Variants in CAMKK1 observed in about 807,000 individuals in gnomAD.
The protein encoded by CAMKK1 is calcium/calmodulin dependent protein kinase kinase 1.
Under a neutral mutation model 63.5 loss-of-function variants are expected in CAMKK1, and 20 were observed. That is an observed-to-expected ratio of 0.32 (90% CI 0.22 to 0.46). CAMKK1 has a LOEUF of 0.46. Among genes scored for constraint, CAMKK1 ranks in the 20% least tolerant of loss-of-function variants. CAMKK1 has a pLI of 1.00. For missense variants in CAMKK1, 588 were observed against 658.1 expected (o/e 0.89, Z 1.17); for synonymous variants, 253 against 269.0 (o/e 0.94, Z 0.58).
intron 10 of CAMKK1, among the ~76,000 whole-genome samples, chr17:3,874,982 C>T (rs1416623946): frequency 3.3e-5 from 5 of 151,778 alleles, no homozygotes; most frequent in Non-Finnish European, 7.4e-5. Context: ...ATTAGCCGGG[C>T]GTGGTGGTGG....
intron 14 of CAMKK1, among the ~76,000 whole-genome samples, chr17:3,866,332 G>A (rs539680490): frequency 5.9e-5 from 9 of 152,320 alleles, no homozygotes; most frequent in South Asian, 4.1e-4. Context: ...TTCTCGCTAC[G>A]GCAGCAATGC....
rs1361609066 is a variant in CAMKK1 at position 3,884,233 on chromosome 17, G to A, written c.408+147C>T. 2 of 839,994 alleles carry A rather than the reference G, an allele frequency of 2.4e-6. No homozygotes were observed. The highest frequency in any genetic ancestry group is 3.4e-5 in the African/African-American group (2 of 59,526). 52.0% of individuals were successfully genotyped at this position (839,994 alleles called of 1,614,324 possible). A position where few individuals can be genotyped will look rare whatever the true frequency, so the allele number is the denominator to read the frequency against. On this transcript the variant is annotated intron_variant, in intron 3 of 15. Coordinates refer to ENST00000348335, the MANE Select transcript of CAMKK1 (RefSeq NM_032294.3). The surrounding 1 kb of genome is among the most constrained non-coding windows in gnomAD (Gnocchi z 4.5). Reference sequence around the variant, plus strand: ...CTTCCACCCTCCCCCTGGGTACCTGGGTACTTCCCACAGGGCACGAAACTG... The same window carrying A: ...CTTCCACCCTCCCCCTGGGTACCTGAGTACTTCCCACAGGGCACGAAACTG...
rs770576618 is a variant in CAMKK1, at chr17:3,873,476, T to C, written c.997-14A>G. ...TACATCCAAGGCCTGGAAAGAAACATGCTCACATCAGTCCCCAACAGGCAC... is the reference window on the plus strand; with the variant it reads ...TACATCCAAGGCCTGGAAAGAAACACGCTCACATCAGTCCCCAACAGGCAC... On this transcript the variant is annotated splice_polypyrimidine_tract_variant and intron_variant, in intron 10 of 15. Transcript: ENST00000348335. 8.7e-6 allele frequency: 14 copies of C among 1,613,898 alleles called. No individual in the cohort carries two copies. The highest frequency in any genetic ancestry group is 1.1e-5 in the Non-Finnish European group (13 of 1,179,910).
At position 3,882,454 on chromosome 17, in the gene CAMKK1, G is replaced by A. The variant is rs2055452030; in HGVS notation, c.685+74C>T. ...AGTGCATTTACACCGCCCACCTGAA[G>A]GTCATACATGTCCCAAGGGAGCCCT... On this transcript the variant is annotated intron_variant, in intron 7 of 15. Coordinates refer to ENST00000348335, the MANE Select transcript of CAMKK1 (RefSeq NM_032294.3). This position sits in a 1 kb window ranked among gnomAD's most constrained non-coding sequence, Gnocchi z 4.3. 3 of 1,587,154 alleles carry A rather than the reference G, an allele frequency of 1.9e-6. No individual in the cohort carries two copies. Among genetic ancestry groups the A allele is most frequent in the Non-Finnish European group, 2.6e-6 (3 of 1,157,168 alleles).
rs2055505781 is a variant in CAMKK1 at position 3,883,502 on chromosome 17, T to G, written c.463-22A>C. The G allele has an allele frequency of 6.2e-7, 1 of 1,602,252 alleles. No individual in the cohort carries two copies. Among genetic ancestry groups the G allele is most frequent in the Non-Finnish European group, 8.6e-7 (1 of 1,169,394 alleles). On this transcript the variant is annotated intron_variant, in intron 4 of 15. Transcript: ENST00000348335. The surrounding 1 kb of genome is among the most constrained non-coding windows in gnomAD (Gnocchi z 4.7). ...TTGCCTAAGGAAGGAGGGACAGAAA[T>G]GTCACTACTGTGCAGCCACCAGGGG...
Position 3,867,054 on chromosome 17 carries a change from G to C in CAMKK1, c.1342-1043C>G, listed in dbSNP as rs140129439. 1.5e-3 allele frequency among the ~76,000 whole-genome samples: 228 copies of C among 152,344 alleles called. 1 individual carries two copies. Among genetic ancestry groups the C allele is most frequent in the Non-Finnish European group, 2.8e-3 (193 of 68,040 alleles). Reference sequence around the variant, plus strand: ...GCTTATATTCTAGTTGGGGGAGACAGGCGATAAGTAAAGAAGAAAAATCAG... The same window carrying C: ...GCTTATATTCTAGTTGGGGGAGACACGCGATAAGTAAAGAAGAAAAATCAG... On this transcript the variant is annotated intron_variant, in intron 14 of 15. Transcript: ENST00000348335.
intron 14 of CAMKK1, among the ~76,000 whole-genome samples, chr17:3,866,326 C>T (rs1291894872): frequency 6.6e-6 from 1 of 152,222 alleles, no homozygotes; most frequent in Non-Finnish European, 1.5e-5. Context: ...GATACCTTCT[C>T]GCTACGGCAG....
At chr17:3,866,434 C>T (rs1004336597) in intron 14 of CAMKK1, among the ~76,000 whole-genome samples, 2 of 152,280 alleles carry the variant, frequency 1.3e-5, no homozygotes, top group African/African-American at 2.4e-5. Context: ...GCGGCTGAGC[C>T]GCAGCCGGTG....
At position 3,883,960 on chromosome 17, in the gene CAMKK1, C is replaced by T. The variant is rs777487902; in HGVS notation, c.409-23G>A. ...ACCCTGCAGATAGGCATCAGTCAGC[C>T]CCACCTGGACAGGGCAACCCCTCCC... On this transcript the variant is annotated intron_variant, in intron 3 of 15. Transcript: ENST00000348335. The surrounding 1 kb of genome is among the most constrained non-coding windows in gnomAD (Gnocchi z 4.7). 1.2e-6 allele frequency: 2 copies of T among 1,612,686 alleles called. No homozygotes were observed.
rs1195143953 is a variant in CAMKK1, at chr17:3,890,036, A to G, written c.-44+2903T>C. ...CCAGGCGAGGGGATGGACAGCCGTG[A>G]CCAGCAGAGGACCGAACAGAAGGGA... On this transcript the variant is annotated intron_variant, in intron 1 of 15. Coordinates refer to ENST00000348335, the MANE Select transcript of CAMKK1 (RefSeq NM_032294.3). This position sits in a 1 kb window ranked among gnomAD's most constrained non-coding sequence, Gnocchi z 6.5. 6.6e-6 allele frequency among the ~76,000 whole-genome samples: 1 copy of G among 152,216 alleles called. No individual in the cohort carries two copies. The highest frequency in any genetic ancestry group is 1.5e-5 in the Non-Finnish European group (1 of 68,024).
chr17:3,865,890 T>C lies in CAMKK1; in HGVS notation c.1445+18A>G, dbSNP rs2143782381. ...ACTCCAGGGAGTGCCCGGCAGTCCC[T>C]GGCCCACCAGTACTTACACCAGTAG... On this transcript the variant is annotated intron_variant, in intron 15 of 15. Transcript: ENST00000348335. The C allele has an allele frequency of 1.2e-6, 2 of 1,613,928 alleles. No individual in the cohort carries two copies. Among genetic ancestry groups the C allele is most frequent in the Non-Finnish European group, 8.5e-7 (1 of 1,179,970 alleles).
At position 3,882,709 on chromosome 17, in the gene CAMKK1, C is replaced by G; in HGVS notation, c.649-145G>C. 1 of 808,248 alleles carries G rather than the reference C, an allele frequency of 1.2e-6. No homozygotes were observed. The highest frequency in any genetic ancestry group is 2.0e-6 in the Non-Finnish European group (1 of 498,736). The allele number at this position is 808,248 out of a possible 1,614,324, so 50.1% of individuals were successfully genotyped here. A position where few individuals can be genotyped will look rare whatever the true frequency, so the allele number is the denominator to read the frequency against. On this transcript the variant is annotated intron_variant, in intron 6 of 15. Coordinates refer to ENST00000348335, the MANE Select transcript of CAMKK1 (RefSeq NM_032294.3). This position sits in a 1 kb window ranked among gnomAD's most constrained non-coding sequence, Gnocchi z 4.3. ...GGAAGCAGGAAGTGTACAGGTGGTG[C>G]CAGACTGATGGGGCCTCAGAAGTCA...
At chr17:3,888,227 C>T (rs953189669) in intron 1 of CAMKK1, among the ~76,000 whole-genome samples, 5 of 152,306 alleles carry the variant, frequency 3.3e-5, no homozygotes, top group Middle Eastern at 3.4e-3. Context: ...ATAAAATTTG[C>T]GTATTTCCTT....
chr17:3,878,321 A>C (rs1371959553), intron 9 of CAMKK1, among the ~76,000 whole-genome samples: 1 of 152,108 alleles, frequency 6.6e-6, no homozygotes, highest in Non-Finnish European at 1.5e-5. Context: ...CCTGGCGCTA[A>C]CCGTTCTGCC....
chr17:3,871,362 T>G (rs752713232), intron 12 of CAMKK1, among the ~76,000 whole-genome samples: 3,667 of 121,238 alleles, frequency 0.03, 18 homozygotes, highest in Middle Eastern at 0.047. Flanking sequence ...TTTTTTTTTT[T>G]TTTTTTTTTT....
chr17:3,884,505 C>A lies in CAMKK1; in HGVS notation c.361-78G>T. On this transcript the variant is annotated intron_variant, in intron 2 of 15. Coordinates refer to ENST00000348335, the MANE Select transcript of CAMKK1 (RefSeq NM_032294.3). This position sits in a 1 kb window ranked among gnomAD's most constrained non-coding sequence, Gnocchi z 4.5. ...TCCTACCTCAGAGCCCGTTCAGGGTCCAATTCTGGCCATAAGCTCCTCATT... is the reference window on the plus strand; with the variant it reads ...TCCTACCTCAGAGCCCGTTCAGGGTACAATTCTGGCCATAAGCTCCTCATT... 7.4e-7 allele frequency: 1 copy of A among 1,360,022 alleles called. No individual in the cohort carries two copies. The allele number at this position is 1,360,022 out of a possible 1,614,324, so 84.2% of individuals were successfully genotyped here.
chr17:3,888,644 G>C (rs2055762870), intron 1 of CAMKK1, among the ~76,000 whole-genome samples: 1 of 152,256 alleles, frequency 6.6e-6, no homozygotes, highest in Non-Finnish European at 1.5e-5. Context: ...CTGCTGTTGT[G>C]ATTGCTCGGG....
rs944914990 is a variant in CAMKK1 at position 3,890,929 on chromosome 17, T to C, written c.-44+2010A>G. Among the ~76,000 whole-genome samples the C allele has an allele frequency of 1.3e-5, 2 of 152,166 alleles. No homozygotes were observed. Among genetic ancestry groups the C allele is most frequent in the African/African-American group, 4.8e-5 (2 of 41,446 alleles). The stretch of plus-strand genomic sequence containing the variant: ...CTACCCACTGCTTCGTTTCCCACTA[T>C]GTGGGTCTTCCCTGACTCCAGGCTA... On this transcript the variant is annotated intron_variant, in intron 1 of 15. Coordinates refer to ENST00000348335, the MANE Select transcript of CAMKK1 (RefSeq NM_032294.3). This position sits in a 1 kb window ranked among gnomAD's most constrained non-coding sequence, Gnocchi z 6.5.
At chr17:3,870,103 G>A (rs781645886) in intron 12 of CAMKK1, among the ~76,000 whole-genome samples, 2 of 152,178 alleles carry the variant, frequency 1.3e-5, no homozygotes, top group Non-Finnish European at 2.9e-5. Context: ...ATGGGTGCTG[G>A]ACACCCCAAT....
Sources: allele counts gnomAD v4.1 joint callset (sites outside exome capture counted in the v4.1 genomes callset), GRCh38; gene constraint gnomAD v4.1.1; non-coding constraint Gnocchi (gnomAD v3.1); transcripts MANE v1.5; gene names NCBI Gene and HGNC (gene_info 2026-07-23, HGNC 2026-07-21).